Variants in CNTN6 observed in about 807,000 individuals in gnomAD.
CNTN6 encodes the protein contactin 6, also known as contactin-6.
A neutral mutation model predicts 122.8 loss-of-function variants in CNTN6; 137 were observed. The observed-to-expected ratio is 1.12, with a 90% CI of 0.97 to 1.29. The LOEUF (loss-of-function observed/expected upper bound fraction) is 1.29, where lower values mean the gene tolerates loss of function less well. CNTN6 is among the 50% of genes most tolerant of loss of function. CNTN6 has a pLI of 0.00. For missense variants in CNTN6, 1,634 were observed against 1,223.4 expected, an observed-to-expected ratio of 1.34 and a Z score of -5.01; for synonymous variants, 570 against 426.0, an observed-to-expected ratio of 1.34 and a Z score of -4.16.
chr3:1,377,521 T>C (rs748841618), intron 17 of CNTN6, among the ~76,000 whole-genome samples: 1 of 152,150 alleles, frequency 6.6e-6, no homozygotes, highest in African/African-American at 2.4e-5. Flanking sequence ...ATGGAGTAGA[T>C]TTTGTGGTCA....
chr3:1,098,814 A>ATATATG (rs1330878258), intron 1 of CNTN6, among the ~76,000 whole-genome samples: 3 of 142,904 alleles, frequency 2.1e-5, no homozygotes, highest in South Asian at 2.2e-4. Flanking sequence ...ATATATATAT[A>ATATATG]TATAGTGGGA....
intron 19 of CNTN6, among the ~76,000 whole-genome samples, chr3:1,385,068 A>G (rs1692653479): frequency 6.6e-6 from 1 of 152,042 alleles, no homozygotes. Flanking sequence ...TTATTTTCAC[A>G]TACACTGTGG....
chr3:1,302,781 G>A (rs937990825), intron 7 of CNTN6, among the ~76,000 whole-genome samples: 2 of 152,008 alleles, frequency 1.3e-5, no homozygotes, highest in African/African-American at 4.8e-5. Flanking sequence ...TGAAATTCCT[G>A]AGTCTATGGT....
chr3:1,388,105 G>A (rs1016365812), intron 20 of CNTN6, among the ~76,000 whole-genome samples: 8 of 152,234 alleles, frequency 5.3e-5, no homozygotes, highest in African/African-American at 1.4e-4. Context: ...CACCTCTCGG[G>A]GCAGGGCACA....
chr3:1,295,278 T>C (rs1318829784), intron 5 of CNTN6, among the ~76,000 whole-genome samples: 1 of 152,208 alleles, frequency 6.6e-6, no homozygotes, highest in Non-Finnish European at 1.5e-5. Flanking sequence ...TCAGTGTACA[T>C]TTGGAACAGT....
At chr3:1,277,312 C>G (rs1692546221) in intron 4 of CNTN6, among the ~76,000 whole-genome samples, 1 of 148,588 alleles carries the variant, frequency 6.7e-6, no homozygotes, top group Non-Finnish European at 1.5e-5. Context: ...AAACCTTCTC[C>G]CCTGAATACT....
At position 1,300,479 on chromosome 3, in the gene CNTN6, GGAA is replaced by G. The variant is rs1559753991; in HGVS notation, c.761+2490_761+2492del. 1.7e-3 allele frequency among the ~76,000 whole-genome samples: 174 copies of G among 103,094 alleles called. 1 individual carries two copies. Among genetic ancestry groups the G allele is most frequent in the African/African-American group, 6.0e-3 (149 of 24,878 alleles). The allele number at this position is 103,094 out of a possible 152,430, so 67.6% of individuals were successfully genotyped here. Reference sequence around the variant, plus strand: ...AGGAAGGAAGGAAGGAAGGAAGGAAGGAAGGAAGGAAGGAAAAAGAAAAGAAAG... The same window carrying G: ...AGGAAGGAAGGAAGGAAGGAAGGAAGGGAAGGAAGGAAAAAGAAAAGAAAG... On this transcript the variant is annotated intron_variant, in intron 7 of 22. Coordinates refer to ENST00000446702, the MANE Select transcript of CNTN6 (RefSeq NM_001289080.2).
chr3:1,169,232 C>G lies in CNTN6; in HGVS notation c.55+21169C>G, dbSNP rs565520748. Among the ~76,000 whole-genome samples the G allele has an allele frequency of 1.0e-3, 152 of 152,292 alleles. 1 individual carries two copies. The highest frequency in any genetic ancestry group is 3.6e-3 in the African/African-American group (149 of 41,564). On this transcript the variant is annotated intron_variant, in intron 2 of 22. Coordinates refer to ENST00000446702, the MANE Select transcript of CNTN6 (RefSeq NM_001289080.2). The stretch of plus-strand genomic sequence containing the variant: ...TTGTTCTTCTATTTAGCCTAAGAGG[C>G]CTCCAGATTAAATGTTCTTTCTAAA...
intron 4 of CNTN6, among the ~76,000 whole-genome samples, chr3:1,267,246 TC>T (rs1178680747): frequency 2.0e-5 from 3 of 152,056 alleles, no homozygotes; most frequent in African/African-American, 4.8e-5. Context: ...TCACTTTTTT[TC>T]CCTCTCCCAC....
chr3:1,219,573 T>A (rs940544226), intron 2 of CNTN6, among the ~76,000 whole-genome samples: 63 of 152,242 alleles, frequency 4.1e-4, no homozygotes, highest in Non-Finnish European at 5.9e-5. Context: ...GGGAAGAGTC[T>A]GTGACTTGCC....
chr3:1,245,283 A>ATC, intron 4 of CNTN6, among the ~76,000 whole-genome samples: 1 of 8,248 alleles, frequency 1.2e-4, no homozygotes, highest in Non-Finnish European at 2.1e-4. Context: ...ATACACACAC[A>ATC]TATATATATA....
chr3:1,216,145 C>A (rs1473330119), intron 2 of CNTN6, among the ~76,000 whole-genome samples: 1 of 146,570 alleles, frequency 6.8e-6, no homozygotes, highest in African/African-American at 2.7e-5. Context: ...TATTTCCCCA[C>A]TTTACTTTTT....
At chr3:1,266,993 G>A (rs1201545686) in intron 4 of CNTN6, among the ~76,000 whole-genome samples, 1 of 115,230 alleles carries the variant, frequency 8.7e-6, no homozygotes, top group Non-Finnish European at 1.6e-5. Context: ...GTCTCTCTCT[G>A]TAACCTGCGA....
At chr3:1,268,987 TATAAAATAA>T (rs1331606615) in intron 4 of CNTN6, among the ~76,000 whole-genome samples, 6 of 152,100 alleles carry the variant, frequency 3.9e-5, no homozygotes, top group East Asian at 1.9e-4. Flanking sequence ...TCTCAAAAGT[TATAAAATAA>T]ATAAAATAAA....
intron 11 of CNTN6, among the ~76,000 whole-genome samples, chr3:1,331,897 A>G (rs1476040045): frequency 6.6e-6 from 1 of 151,774 alleles, no homozygotes; most frequent in East Asian, 1.9e-4. Context: ...TTTTTAAAAC[A>G]GCTCTTCAGG....
At chr3:1,233,409 G>C (rs971075610) in intron 4 of CNTN6, among the ~76,000 whole-genome samples, 24 of 140,436 alleles carry the variant, frequency 1.7e-4, no homozygotes, top group African/African-American at 5.7e-4. Context: ...GAACCGTTCT[G>C]AATAATGTTA....
At chr3:1,276,591 C>T (rs989633957) in intron 4 of CNTN6, among the ~76,000 whole-genome samples, 5 of 152,144 alleles carry the variant, frequency 3.3e-5, no homozygotes, top group African/African-American at 7.2e-5. Flanking sequence ...TACAACAAAA[C>T]GTCCCTACAT....
intron 20 of CNTN6, among the ~76,000 whole-genome samples, chr3:1,393,734 A>T (rs150696336): frequency 1.3e-5 from 2 of 152,046 alleles, no homozygotes; most frequent in African/African-American, 4.8e-5. Flanking sequence ...AACTTTTATT[A>T]TACATAATCC....
intron 2 of CNTN6, among the ~76,000 whole-genome samples, chr3:1,217,413 G>T (rs2094143894): frequency 1.3e-5 from 2 of 152,180 alleles, no homozygotes; most frequent in Admixed American, 1.3e-4. Flanking sequence ...CATTGCACTG[G>T]AGGGGAGAAA....
Sources: gnomAD v4.1 joint callset for allele counts (sites outside exome capture counted in the v4.1 genomes callset) on GRCh38, gnomAD v4.1.1 for gene constraint, MANE v1.5 for transcripts, NCBI Gene and HGNC (gene_info 2026-07-23, HGNC 2026-07-21) for gene names.